The following UGT2B7 variants were observed in gnomAD, a reference collection of about 807,000 sequenced individuals.
UGT2B7 encodes the protein UDP-glucuronosyltransferase 2B7.
UGT2B7 carries 51 observed loss-of-function variants against 51.9 expected under a neutral mutation model. The ratio of observed to expected loss-of-function variants is 0.98; its 90% CI spans 0.78 to 1.24. The LOEUF is 1.24. Among genes scored for constraint, UGT2B7 ranks in the 50% most tolerant of loss-of-function variants. The pLI is 0.00. For synonymous variants in UGT2B7, 225 were observed against 211.6 expected (o/e 1.06, Z -0.55); for missense variants, 727 against 628.4 (o/e 1.16, Z -1.68).
rs368479039 is a variant in UGT2B7 at position 69,075,810 on chromosome 4, G to A, written c.-158-13662G>A. Among the ~76,000 whole-genome samples the A allele has an allele frequency of 2.6e-5, 4 of 152,078 alleles. 1 individual carries two copies. Among genetic ancestry groups the A allele is most frequent in the African/African-American group, 9.6e-5 (4 of 41,510 alleles). ...TTATGTTTATTATACTTTAAGTTCT[G>A]GGCTACATGTGCAAAATGTGCAGGA... is the stretch of plus-strand genomic sequence containing the variant. On this transcript the variant is annotated intron_variant, in intron 1 of 5. Transcript: ENST00000502942.
At chr4:69,094,576 C>A (rs190066888), upstream of UGT2B7, among the ~76,000 whole-genome samples, 273 of 152,318 alleles carry the variant, frequency 1.8e-3, 2 homozygotes, top group African/African-American at 6.4e-3. Context: ...TGCTAATGAT[C>A]ATCTGAGTCT....
At chr4:69,070,321 A>T (rs1310792671) in intron 1 of UGT2B7, among the ~76,000 whole-genome samples, 1 of 148,196 alleles carries the variant, frequency 6.7e-6, no homozygotes, top group African/African-American at 2.4e-5. Flanking sequence ...GTTTTATTTC[A>T]ACTTTTATTT....
intron 5 of UGT2B7, among the ~76,000 whole-genome samples, chr4:69,111,129 G>A (rs1159244838): frequency 6.6e-6 from 1 of 152,072 alleles, no homozygotes; most frequent in Non-Finnish European, 1.5e-5. Context: ...AAATGTGTAA[G>A]GTACTAAGAT....
At chr4:69,053,053 G>T (rs1247578300) in intron 1 of UGT2B7, among the ~76,000 whole-genome samples, 3 of 151,796 alleles carry the variant, frequency 2.0e-5, no homozygotes, top group East Asian at 1.9e-4. Context: ...AATGCAACAG[G>T]TTTTTTTTCT....
At chr4:69,059,606 T>G (rs967815343) in intron 1 of UGT2B7, among the ~76,000 whole-genome samples, 1 of 152,130 alleles carries the variant, frequency 6.6e-6, no homozygotes, top group African/African-American at 2.4e-5. Context: ...CCACCTGGAC[T>G]GGCTGTAAGT....
intron 4 of UGT2B7, 139 bp from the exon 5 acceptor site, chr4:69,107,964 T>C (rs1296277802): frequency 2.7e-6 from 3 of 1,122,230 alleles, no homozygotes; most frequent in African/African-American, 1.6e-5. Context: ...CAAGTACGTG[T>C]TTTTTCCTCC....
Position 69,098,491 on chromosome 4 carries a change from A to G in UGT2B7, c.722-49A>G, listed in dbSNP as rs7438244. 779,624 of 1,567,062 alleles carry G rather than the reference A, an allele frequency of 0.5. 200,178 individuals are homozygous for G. The highest frequency in any genetic ancestry group is 0.71 in the African/African-American group (51,130 of 71,694). On this transcript the variant is annotated intron_variant, in intron 1 of 5. Transcript: ENST00000305231. The stretch of plus-strand genomic sequence containing the variant: ...TCTAACCCCTTTCAGAAATTTACCT[A>G]AAGTAATTATCTTGTGTCATCCACC...
chr4:69,064,082 A>AG (rs1553911468), intron 1 of UGT2B7, among the ~76,000 whole-genome samples: 9 of 102,056 alleles, frequency 8.8e-5, no homozygotes, highest in African/African-American at 1.7e-4. Context: ...GAAAGAAAGA[A>AG]AGAAAGAAAG....
chr4:69,109,259 A>T (rs1467741168), intron 5 of UGT2B7, among the ~76,000 whole-genome samples: 1 of 152,164 alleles, frequency 6.6e-6, no homozygotes, highest in African/African-American at 2.4e-5. Context: ...GGTTGATACT[A>T]TAAGTGGAAT....
chr4:69,056,550 C>A (rs1271459951), intron 1 of UGT2B7, among the ~76,000 whole-genome samples: 2 of 152,168 alleles, frequency 1.3e-5, no homozygotes, highest in Non-Finnish European at 2.9e-5. Context: ...GGCACATGTA[C>A]CCATGCAAGT....
At chr4:69,071,328 G>A (rs4446390) in intron 1 of UGT2B7, among the ~76,000 whole-genome samples, 65,195 of 151,822 alleles carry the variant, frequency 0.43, 15,553 homozygotes, top group African/African-American at 0.64. Context: ...CTATTATTTT[G>A]ATTATTCTCT....
chr4:69,053,338 C>T (rs2109856724), intron 1 of UGT2B7, among the ~76,000 whole-genome samples: 1 of 152,246 alleles, frequency 6.6e-6, no homozygotes, highest in East Asian at 1.9e-4. Flanking sequence ...ATTCATTTTA[C>T]TAGAAGATCA....
chr4:69,061,093 G>T (rs80327142), intron 1 of UGT2B7, among the ~76,000 whole-genome samples: 1 of 152,192 alleles, frequency 6.6e-6, no homozygotes, highest in African/African-American at 2.4e-5. Flanking sequence ...TTTGGACTCA[G>T]CAGTAGAGGC....
chr4:69,081,209 A>G (rs528366816), intron 1 of UGT2B7, among the ~76,000 whole-genome samples: 1 of 152,294 alleles, frequency 6.6e-6, no homozygotes. Context: ...TTCAGGTAGA[A>G]ACCATATCAG....
chr4:69,086,481 G>A (rs184826063), intron 1 of UGT2B7, among the ~76,000 whole-genome samples: 10 of 151,996 alleles, frequency 6.6e-5, no homozygotes, highest in African/African-American at 1.2e-4. Context: ...GTAAATGTCC[G>A]TGTTAGGTTT....
intron 1 of UGT2B7, among the ~76,000 whole-genome samples, chr4:69,068,543 A>G (rs1718529371): frequency 6.6e-6 from 1 of 152,066 alleles, no homozygotes. Context: ...AATAGCAATA[A>G]TTTTTAATAA....
At chr4:69,107,977 A>G (rs2109893663) in intron 4 of UGT2B7, 126 bp from the exon 5 acceptor site, 2 of 1,275,784 alleles carry the variant, frequency 1.6e-6, no homozygotes, top group Non-Finnish European at 1.1e-6. Context: ...TTTCCTCCGA[A>G]GTCTGAAACA....
intron 3 of UGT2B7, among the ~76,000 whole-genome samples, chr4:69,104,097 G>A (rs1719516781): frequency 6.6e-6 from 1 of 152,054 alleles, no homozygotes; most frequent in African/African-American, 2.4e-5. Context: ...GACCAGCTTG[G>A]CCAACATGGT....
chr4:69,094,557 G>A (rs982005250), upstream of UGT2B7, among the ~76,000 whole-genome samples: 1 of 152,116 alleles, frequency 6.6e-6, no homozygotes, highest in Non-Finnish European at 1.5e-5. Context: ...ACACTTAATT[G>A]CTAAAAAGTG....
Sources: gnomAD v4.1 joint callset for allele counts (sites outside exome capture counted in the v4.1 genomes callset) on GRCh38, gnomAD v4.1.1 for gene constraint, MANE v1.5 for transcripts, NCBI Gene and HGNC (gene_info 2026-07-23, HGNC 2026-07-21) for gene names.